The following EDIL3 variants were observed in gnomAD, a reference collection of about 807,000 sequenced individuals.
EDIL3 encodes EGF like and discoidin domains 3, also known as EGF-like repeat and discoidin I-like domain-containing protein 3.
In EDIL3, 37 loss-of-function variants were observed where a neutral mutation model predicts 67.4. That is an observed-to-expected ratio of 0.55 (90% CI 0.42 to 0.72). The LOEUF is 0.72. Ranked by LOEUF, EDIL3 falls within the 30% of genes least tolerant of loss-of-function variation. The pLI is 0.00. For synonymous variants in EDIL3, 195 were observed against 196.3 expected (o/e 0.99, Z 0.05); for missense variants, 527 against 586.3 (o/e 0.90, Z 1.04).
intron 3 of EDIL3, among the ~76,000 whole-genome samples, chr5:84,186,872 T>C (rs917501819): frequency 7.2e-5 from 11 of 152,158 alleles, no homozygotes; most frequent in African/African-American, 2.6e-4. Flanking sequence ...GCAATCTCAA[T>C]TGCTTGTCAC....
chr5:84,106,722 T>A lies in EDIL3; in HGVS notation c.578A>T (p.Tyr193Phe). Residue 193 changes from tyrosine (Y) to phenylalanine (F), a missense_variant, in exon 6 of 11, where the codon TAT becomes TTT. By Grantham distance (22) the Tyr-to-Phe change is conservative. Coordinates refer to ENST00000296591, the MANE Select transcript of EDIL3 (RefSeq NM_005711.5). ...AAGCCCCTTCTTATTAAGACGTGCA[T>A]AGTAGGGATACCATTTTTGGAGTCC... Reference protein sequence around the residue: ...LFGLQKWYPYYARLNKKGLIN... With the variant: ...LFGLQKWYPYFARLNKKGLIN... The A allele has an allele frequency of 2.5e-6, 4 of 1,613,378 alleles. No individual in the cohort carries two copies. Among genetic ancestry groups the A allele is most frequent in the Non-Finnish European group, 3.4e-6 (4 of 1,179,550 alleles).
chr5:84,383,594 A>G (rs1384843451), intron 1 of EDIL3, among the ~76,000 whole-genome samples: 2 of 152,026 alleles, frequency 1.3e-5, no homozygotes, highest in Admixed American at 6.5e-5. Context: ...ACTATTCCCC[A>G]TTACCAAGAG....
At chr5:83,959,602 G>A (rs575239524) in intron 10 of EDIL3, among the ~76,000 whole-genome samples, 1 of 150,932 alleles carries the variant, frequency 6.6e-6, no homozygotes, top group African/African-American at 2.4e-5. Context: ...GAAAGCTTGT[G>A]GTTGAATTGG....
At chr5:84,238,851 G>A (rs932475385) in intron 2 of EDIL3, among the ~76,000 whole-genome samples, 1 of 151,758 alleles carries the variant, frequency 6.6e-6, no homozygotes, top group Non-Finnish European at 1.5e-5. Context: ...AAAGTAGACA[G>A]GCCTAACTTT....
At chr5:84,196,550 G>T (rs564952877) in intron 3 of EDIL3, among the ~76,000 whole-genome samples, 1 of 152,006 alleles carries the variant, frequency 6.6e-6, no homozygotes, top group South Asian at 2.1e-4. Context: ...GTGTTGTGTT[G>T]TTATTGTCCC....
At chr5:83,957,603 T>C (rs1744536693) in intron 10 of EDIL3, among the ~76,000 whole-genome samples, 1 of 151,688 alleles carries the variant, frequency 6.6e-6, no homozygotes, top group Non-Finnish European at 1.5e-5. Flanking sequence ...CTGATGATAT[T>C]GCTGCTTCTA....
intron 9 of EDIL3, among the ~76,000 whole-genome samples, chr5:84,026,889 C>T (rs1404225553): frequency 6.6e-6 from 1 of 151,974 alleles, no homozygotes; most frequent in African/African-American, 2.4e-5. Context: ...AGTTTGAGAC[C>T]AGCCTGGCAA....
intron 5 of EDIL3, among the ~76,000 whole-genome samples, chr5:84,122,764 C>T (rs1747801789): frequency 1.3e-5 from 2 of 151,882 alleles, no homozygotes; most frequent in Admixed American, 1.3e-4. Context: ...TGATCTAACT[C>T]ACTTTGTGTT....
intron 10 of EDIL3, among the ~76,000 whole-genome samples, chr5:83,960,738 C>A (rs532414535): frequency 6.6e-6 from 1 of 150,784 alleles, no homozygotes; most frequent in South Asian, 2.1e-4. Flanking sequence ...GCTGATGATT[C>A]AATAAACACG....
At chr5:84,036,485 G>A (rs1451390646) in intron 9 of EDIL3, among the ~76,000 whole-genome samples, 1 of 152,168 alleles carries the variant, frequency 6.6e-6, no homozygotes, top group Non-Finnish European at 1.5e-5. Flanking sequence ...CTTACAATAA[G>A]TTAGTGACAA....
At chr5:84,132,520 A>AAC (rs1748006070) in intron 5 of EDIL3, among the ~76,000 whole-genome samples, 1 of 12,630 alleles carries the variant, frequency 7.9e-5, no homozygotes, top group Non-Finnish European at 2.6e-4. Context: ...TATATATTTT[A>AAC]ATATATATTA....
chr5:84,225,530 T>C (rs1013994462), intron 3 of EDIL3, among the ~76,000 whole-genome samples: 1 of 151,652 alleles, frequency 6.6e-6, no homozygotes, highest in African/African-American at 2.4e-5. Flanking sequence ...GCAAATCAAT[T>C]GTATTCCATT....
intron 4 of EDIL3, among the ~76,000 whole-genome samples, chr5:84,176,936 A>G (rs961761112): frequency 5.3e-5 from 8 of 152,152 alleles, no homozygotes; most frequent in Non-Finnish European, 1.2e-4. Context: ...CTGAAATCCA[A>G]AACACAACGA....
intron 4 of EDIL3, among the ~76,000 whole-genome samples, chr5:84,161,516 A>G (rs1337110474): frequency 6.6e-6 from 1 of 152,026 alleles, no homozygotes; most frequent in African/African-American, 2.4e-5. Flanking sequence ...CCTTTACCTA[A>G]TACTAGATAT....
intron 5 of EDIL3, among the ~76,000 whole-genome samples, chr5:84,119,223 T>G (rs528461401): frequency 3.5e-4 from 51 of 147,014 alleles, no homozygotes; most frequent in African/African-American, 1.2e-3. Context: ...TTTTTTTTTT[T>G]TTTTTTTTTT....
chr5:83,973,617 C>A lies in EDIL3; in HGVS notation c.1138-10257G>T, dbSNP rs144792857. 8.5e-3 allele frequency among the ~76,000 whole-genome samples: 1,291 copies of A among 152,080 alleles called. 8 individuals are homozygous for A. Among genetic ancestry groups the A allele is most frequent in the Non-Finnish European group, 0.015 (992 of 67,956 alleles). ...AGTTGATTGTTTACACGTGTAAAAA[C>A]TATCTGAATATATCTTTGACAATTA... On this transcript the variant is annotated intron_variant, in intron 9 of 10. Coordinates refer to ENST00000296591, the MANE Select transcript of EDIL3 (RefSeq NM_005711.5).
At chr5:83,967,884 C>T (rs1744725090) in intron 9 of EDIL3, among the ~76,000 whole-genome samples, 1 of 152,122 alleles carries the variant, frequency 6.6e-6, no homozygotes, top group African/African-American at 2.4e-5. Context: ...TCAGCTACAT[C>T]TAAAATGCTC....
chr5:84,131,603 T>C (rs963869541), intron 5 of EDIL3, among the ~76,000 whole-genome samples: 1 of 152,158 alleles, frequency 6.6e-6, no homozygotes, highest in African/African-American at 2.4e-5. Flanking sequence ...AATAGCTCAG[T>C]CTGCTCTATA....
chr5:83,965,327 T>C (rs1159406486), intron 9 of EDIL3, among the ~76,000 whole-genome samples: 2 of 152,122 alleles, frequency 1.3e-5, no homozygotes, highest in African/African-American at 4.8e-5. Context: ...TTCTTCTCTG[T>C]TCTTCAGCTG....
Sources: allele counts gnomAD v4.1 joint callset (sites outside exome capture counted in the v4.1 genomes callset), GRCh38; gene constraint gnomAD v4.1.1; transcripts MANE v1.5; gene names NCBI Gene and HGNC (gene_info 2026-07-23, HGNC 2026-07-21).